Variants in IGF2BP3 observed in about 807,000 individuals in gnomAD.
IGF2BP3 encodes the protein insulin like growth factor 2 mRNA binding protein 3.
In IGF2BP3, 9 loss-of-function variants were observed where a neutral mutation model predicts 73.8. The observed-to-expected ratio is 0.12, with a 90% CI of 0.07 to 0.21. The LOEUF (loss-of-function observed/expected upper bound fraction) is 0.21, where lower values mean the gene tolerates loss of function less well. IGF2BP3 is among the 10% of genes least tolerant of loss of function. IGF2BP3 has a pLI of 1.00. For synonymous variants in IGF2BP3, 258 were observed against 256.7 expected, an observed-to-expected ratio of 1.01 and a Z score of -0.05; for missense variants, 542 against 714.0, an observed-to-expected ratio of 0.76 and a Z score of 2.75.
chr7:23,368,365 A>C (rs1412605326), intron 3 of IGF2BP3, among the ~76,000 whole-genome samples: 1 of 151,818 alleles, frequency 6.6e-6, no homozygotes, highest in Non-Finnish European at 1.5e-5. Context: ...GAAAGAAAGA[A>C]AGAAAGAAAG....
intron 2 of IGF2BP3, among the ~76,000 whole-genome samples, chr7:23,464,153 T>G (rs1788510784): frequency 6.6e-6 from 1 of 152,236 alleles, no homozygotes. Flanking sequence ...CCCTGGCTAA[T>G]GGGCACGTTG....
intron 10 of IGF2BP3, among the ~76,000 whole-genome samples, chr7:23,326,324 C>T (rs914117704): frequency 2.0e-5 from 3 of 152,190 alleles, no homozygotes; most frequent in African/African-American, 7.2e-5. Flanking sequence ...AAATGCTCAC[C>T]ATCACTGGCC....
intron 2 of IGF2BP3, among the ~76,000 whole-genome samples, chr7:23,439,644 T>C (rs1299861706): frequency 6.6e-6 from 1 of 152,048 alleles, no homozygotes; most frequent in African/African-American, 2.4e-5. Context: ...TCAGTGTGAT[T>C]ACACAACACA....
At chr7:23,432,963 A>G (rs1256734857) in intron 2 of IGF2BP3, among the ~76,000 whole-genome samples, 1 of 152,222 alleles carries the variant, frequency 6.6e-6, no homozygotes, top group Non-Finnish European at 1.5e-5. Flanking sequence ...AAAAGTCACC[A>G]CCAGTATTAC....
chr7:23,343,055 C>T (rs891301432), intron 9 of IGF2BP3, among the ~76,000 whole-genome samples: 1 of 152,274 alleles, frequency 6.6e-6, no homozygotes, highest in African/African-American at 2.4e-5. Flanking sequence ...AAATTTAAGA[C>T]AGGCTTTTGA....
chr7:23,380,645 C>G (rs1230324011), intron 3 of IGF2BP3, among the ~76,000 whole-genome samples: 1 of 152,206 alleles, frequency 6.6e-6, no homozygotes. Flanking sequence ...TTGGTTAACT[C>G]CCTGTACTGG....
At chr7:23,410,130 T>C (rs550521716) in intron 3 of IGF2BP3, among the ~76,000 whole-genome samples, 4 of 151,992 alleles carry the variant, frequency 2.6e-5, no homozygotes, top group Non-Finnish European at 4.4e-5. Flanking sequence ...GATCGCACCA[T>C]TGCACTCCAG....
At chr7:23,342,667 G>T (rs1237648769) in intron 9 of IGF2BP3, among the ~76,000 whole-genome samples, 1 of 152,140 alleles carries the variant, frequency 6.6e-6, no homozygotes, top group Admixed American at 6.6e-5. Flanking sequence ...TGGAAATCAG[G>T]ACCCATCCCC....
intron 3 of IGF2BP3, among the ~76,000 whole-genome samples, chr7:23,371,390 T>C (rs557318900): frequency 1.3e-5 from 2 of 152,318 alleles, no homozygotes; most frequent in East Asian, 3.9e-4. Flanking sequence ...CAAGATCATC[T>C]CAGGAACTGT....
intron 5 of IGF2BP3, among the ~76,000 whole-genome samples, chr7:23,353,475 A>G (rs1444614111): frequency 6.6e-6 from 1 of 152,228 alleles, no homozygotes; most frequent in African/African-American, 2.4e-5. Context: ...GTAAAAGATC[A>G]GTCATGCAGA....
In IGF2BP3 at chr7:23,311,258, TGTA is replaced by T. The variant is rs1230735352; in HGVS notation, c.*1101_*1103del. On this transcript the variant is annotated 3_prime_UTR_variant, in exon 15 of 15. Coordinates refer to ENST00000258729, the MANE Select transcript of IGF2BP3 (RefSeq NM_006547.3). ...CTATGACTGTCCCATTGGTCTGAAG[TGTA>T]GTGGCAAACTAAGCATCCTATAAGA... 3 of 152,430 alleles carry T rather than the reference TGTA, an allele frequency of 2.0e-5. No individual in the cohort carries two copies. The highest frequency in any genetic ancestry group is 2.9e-5 in the Non-Finnish European group (2 of 68,024). The allele number at this position is 152,430 out of a possible 1,614,324, so 9.4% of individuals were successfully genotyped here.
At chr7:23,405,323 A>G (rs1386443841) in intron 3 of IGF2BP3, among the ~76,000 whole-genome samples, 1 of 152,238 alleles carries the variant, frequency 6.6e-6, no homozygotes, top group Non-Finnish European at 1.5e-5. Context: ...ATCTAGACAG[A>G]AAGTATCAAA....
chr7:23,347,296 T>C (rs1784852471), intron 7 of IGF2BP3, among the ~76,000 whole-genome samples: 4 of 152,188 alleles, frequency 2.6e-5, no homozygotes, highest in Non-Finnish European at 5.9e-5. Context: ...GAGTCAAGAT[T>C]TGGGGCTCCT....
intron 2 of IGF2BP3, among the ~76,000 whole-genome samples, chr7:23,426,817 C>T (rs1745268657): frequency 6.6e-6 from 1 of 152,176 alleles, no homozygotes; most frequent in South Asian, 2.1e-4. Flanking sequence ...TACTAGTGAT[C>T]ACTGCCTAAA....
At chr7:23,313,148 A>G (rs1233747456) in intron 13 of IGF2BP3, among the ~76,000 whole-genome samples, 2 of 152,236 alleles carry the variant, frequency 1.3e-5, no homozygotes, top group Non-Finnish European at 2.9e-5. Flanking sequence ...CCCACTTACA[A>G]GTTATATGTA....
intron 3 of IGF2BP3, among the ~76,000 whole-genome samples, chr7:23,392,822 G>T (rs1786328739): frequency 6.6e-6 from 1 of 151,930 alleles, no homozygotes; most frequent in Non-Finnish European, 1.5e-5. Context: ...TAAGAGATGG[G>T]GTTTTATCAT....
chr7:23,397,555 C>G (rs1469586489), intron 3 of IGF2BP3, among the ~76,000 whole-genome samples: 2 of 152,220 alleles, frequency 1.3e-5, no homozygotes, highest in Admixed American at 6.5e-5. Flanking sequence ...CAACACCTAA[C>G]TGGCCTTACA....
At chr7:23,367,274 G>C (rs1435648173) in intron 3 of IGF2BP3, among the ~76,000 whole-genome samples, 2 of 151,890 alleles carry the variant, frequency 1.3e-5, no homozygotes, top group African/African-American at 4.8e-5. Context: ...CACAGTGTCC[G>C]GCCGCATTTT....
intron 3 of IGF2BP3, among the ~76,000 whole-genome samples, chr7:23,412,418 T>C (rs553042743): frequency 1.3e-5 from 2 of 152,282 alleles, no homozygotes; most frequent in Admixed American, 6.5e-5. Flanking sequence ...CCAAGAAACG[T>C]TCTGAATTTT....
Sources: allele counts gnomAD v4.1 joint callset (sites outside exome capture counted in the v4.1 genomes callset), GRCh38; gene constraint gnomAD v4.1.1; transcripts MANE v1.5; gene names NCBI Gene and HGNC (gene_info 2026-07-23, HGNC 2026-07-21).